Variants in MALRD1 observed in about 807,000 individuals in gnomAD.
MALRD1 encodes the protein MAM and LDL receptor class A domain containing 1, also known as MAM and LDL-receptor class A domain-containing protein 1.
MALRD1 carries 247 observed loss-of-function variants against 242.1 expected under a neutral mutation model. That is an observed-to-expected ratio of 1.02 (90% confidence interval 0.92 to 1.13). The LOEUF is 1.13. Ranked by LOEUF, MALRD1 falls within the 50% of genes most tolerant of loss-of-function variation. The probability of loss-of-function intolerance (pLI) is 0.00; values close to 1 mark genes in which losing one functional copy is unlikely to be tolerated. For missense variants in MALRD1, 2,989 were observed against 2,533.1 expected, an observed-to-expected ratio of 1.18 and a Z score of -3.86; for synonymous variants, 995 against 866.6, an observed-to-expected ratio of 1.15 and a Z score of -2.60.
chr10:19,436,462 A>T (rs1395357063), intron 28 of MALRD1, among the ~76,000 whole-genome samples: 1 of 152,162 alleles, frequency 6.6e-6, no homozygotes, highest in Admixed American at 6.6e-5. Flanking sequence ...TCTATATAAC[A>T]TTCCATTAAA....
intron 2 of MALRD1, among the ~76,000 whole-genome samples, chr10:19,068,846 G>T (rs1006287183): frequency 6.6e-6 from 1 of 152,080 alleles, no homozygotes; most frequent in Admixed American, 6.6e-5. Context: ...TGTAACCAAT[G>T]CCTTGAGTGG....
At chr10:19,522,178 T>C (rs1833911291) in intron 31 of MALRD1, among the ~76,000 whole-genome samples, 1 of 152,158 alleles carries the variant, frequency 6.6e-6, no homozygotes, top group South Asian at 2.1e-4. Context: ...TCTGCATTCT[T>C]CTACAGATTG....
intron 33 of MALRD1, among the ~76,000 whole-genome samples, chr10:19,569,444 T>C (rs1218297854): frequency 6.6e-6 from 1 of 151,674 alleles, no homozygotes; most frequent in African/African-American, 2.4e-5. Flanking sequence ...TTCACCTGTC[T>C]CCAAACTCTT....
intron 18 of MALRD1, among the ~76,000 whole-genome samples, chr10:19,215,345 A>G (rs183764926): frequency 2.6e-5 from 4 of 152,326 alleles, no homozygotes; most frequent in South Asian, 4.1e-4. Flanking sequence ...TAAGATGTCT[A>G]TGATGTTGGC....
At chr10:19,282,704 A>G (rs1840877004) in intron 20 of MALRD1, among the ~76,000 whole-genome samples, 1 of 152,198 alleles carries the variant, frequency 6.6e-6, no homozygotes, top group South Asian at 2.1e-4. Flanking sequence ...GAGATCATGC[A>G]AGCAATGAAA....
chr10:19,708,336 T>C (rs1248192117), intron 38 of MALRD1, among the ~76,000 whole-genome samples: 1 of 93,208 alleles, frequency 1.1e-5, no homozygotes, highest in African/African-American at 3.9e-5. Flanking sequence ...TTCTTTTTCT[T>C]TTTCTTTTTT....
chr10:19,232,091 A>G (rs1174460259), intron 18 of MALRD1, among the ~76,000 whole-genome samples: 1 of 152,070 alleles, frequency 6.6e-6, no homozygotes, highest in Non-Finnish European at 1.5e-5. Context: ...ACTTTGTGTT[A>G]TTTGTGCATT....
At chr10:19,355,340 T>A (rs764714131) in intron 26 of MALRD1, among the ~76,000 whole-genome samples, 7 of 151,918 alleles carry the variant, frequency 4.6e-5, no homozygotes, top group South Asian at 4.2e-4. Flanking sequence ...TTAAATGGTC[T>A]TAGAAAGCAA....
chr10:19,132,415 A>G (rs1833146507), intron 8 of MALRD1, among the ~76,000 whole-genome samples: 1 of 152,238 alleles, frequency 6.6e-6, no homozygotes, highest in African/African-American at 2.4e-5. Flanking sequence ...GGAAATCTTC[A>G]CAGTTGATAT....
chr10:19,233,591 GA>G (rs902754980), intron 18 of MALRD1, among the ~76,000 whole-genome samples: 32 of 145,930 alleles, frequency 2.2e-4, no homozygotes, highest in East Asian at 1.6e-3. Flanking sequence ...CTTTTTCAAA[GA>G]AAAAAAAAAG....
intron 36 of MALRD1, among the ~76,000 whole-genome samples, chr10:19,663,550 G>C (rs906527491): frequency 6.6e-6 from 1 of 152,008 alleles, no homozygotes; most frequent in African/African-American, 2.4e-5. Context: ...AGCCAGTAGA[G>C]GGAGTGCAGA....
intron 36 of MALRD1, among the ~76,000 whole-genome samples, chr10:19,623,207 T>C (rs1335650203): frequency 3.3e-5 from 5 of 151,960 alleles, no homozygotes; most frequent in African/African-American, 7.2e-5. Flanking sequence ...CCAAAAGCAA[T>C]ATCAAAAGAT....
At chr10:19,719,233 T>TAAATACATAC (rs1441655459) in intron 38 of MALRD1, among the ~76,000 whole-genome samples, 1 of 110,486 alleles carries the variant, frequency 9.1e-6, no homozygotes, top group South Asian at 2.7e-4. Flanking sequence ...CATATATATA[T>TAAATACATAC]ATATATATAT....
At chr10:19,289,881 T>C (rs1841322997) in intron 21 of MALRD1, among the ~76,000 whole-genome samples, 1 of 152,214 alleles carries the variant, frequency 6.6e-6, no homozygotes, top group African/African-American at 2.4e-5. Flanking sequence ...AATTCTTTCT[T>C]GTCTCTTTCT....
chr10:19,512,181 G>T (rs1207660418), intron 31 of MALRD1, among the ~76,000 whole-genome samples: 1 of 152,054 alleles, frequency 6.6e-6, no homozygotes, highest in Non-Finnish European at 1.5e-5. Context: ...GAAAAATGTG[G>T]TTATCATCAG....
intron 36 of MALRD1, among the ~76,000 whole-genome samples, chr10:19,647,329 C>A (rs1840702373): frequency 6.6e-6 from 1 of 152,050 alleles, no homozygotes; most frequent in Non-Finnish European, 1.5e-5. Context: ...TTTGCTTATT[C>A]CTAGCACACC....
chr10:19,439,939 C>A (rs1834541301), intron 28 of MALRD1, among the ~76,000 whole-genome samples: 1 of 152,074 alleles, frequency 6.6e-6, no homozygotes, highest in Non-Finnish European at 1.5e-5. Flanking sequence ...ATTACATTTT[C>A]CCCTTCTTTC....
At chr10:19,584,878 C>T (rs907591405) in intron 33 of MALRD1, among the ~76,000 whole-genome samples, 2 of 151,604 alleles carry the variant, frequency 1.3e-5, no homozygotes, top group African/African-American at 4.8e-5. Context: ...TTGTAGGTCA[C>T]TCAGGACTTG....
At chr10:19,321,810 T>C (rs1047736716) in intron 21 of MALRD1, among the ~76,000 whole-genome samples, 12 of 152,096 alleles carry the variant, frequency 7.9e-5, no homozygotes, top group Admixed American at 3.3e-4. Flanking sequence ...CTATGTCAAT[T>C]AAAAAGACTT....
Sources: gnomAD v4.1 joint callset for allele counts (sites outside exome capture counted in the v4.1 genomes callset) on GRCh38, gnomAD v4.1.1 for gene constraint, MANE v1.5 for transcripts, NCBI Gene and HGNC (gene_info 2026-07-23, HGNC 2026-07-21) for gene names.